The following LAMA2 variants were observed in gnomAD, a reference collection of about 807,000 sequenced individuals.
LAMA2 encodes the protein laminin subunit alpha-2.
A neutral mutation model predicts 364.8 loss-of-function variants in LAMA2; 269 were observed. That is an observed-to-expected ratio of 0.74 (90% CI 0.67 to 0.82). The LOEUF is 0.82. Ranked by LOEUF, LAMA2 falls within the 40% of genes least tolerant of loss-of-function variation. The pLI, the probability that LAMA2 is intolerant of heterozygous loss-of-function variation, is 0.00. For missense variants in LAMA2, 3,807 were observed against 3,873.2 expected, an observed-to-expected ratio of 0.98 and a Z score of 0.45; for synonymous variants, 1,379 against 1,370.6, an observed-to-expected ratio of 1.01 and a Z score of -0.14.
At chr6:128,929,259 T>A in intron 1 of LAMA2, 1 of 1,414,288 alleles carries the variant, frequency 7.1e-7, no homozygotes, top group Non-Finnish European at 1.0e-6. Flanking sequence ...AGACCGTCAA[T>A]GGCTAAGTTC....
chr6:128,947,811 G>A (rs1229723682), intron 1 of LAMA2, among the ~76,000 whole-genome samples: 1 of 152,078 alleles, frequency 6.6e-6, no homozygotes, highest in Non-Finnish European at 1.5e-5. Context: ...CAGTTACAGT[G>A]TTATAAAGGG....
intron 12 of LAMA2, among the ~76,000 whole-genome samples, chr6:129,227,655 C>A (rs1448862333): frequency 6.6e-6 from 1 of 152,310 alleles, no homozygotes; most frequent in East Asian, 1.9e-4. Flanking sequence ...TATTGCTGAA[C>A]AGCAAATGTT....
In LAMA2 at chr6:129,096,427, T is replaced by G. The variant is rs530818754; in HGVS notation, c.397-1746T>G. 5.3e-4 allele frequency among the ~76,000 whole-genome samples: 81 copies of G among 152,346 alleles called. 1 individual carries two copies. The South Asian group carries it at 0.016, about 30-fold the overall frequency. On this transcript the variant is annotated intron_variant, in intron 3 of 64. Transcript: ENST00000421865. ...TTCTTGACTCCTAAAGGTGGCAGCTTTAATATGTTCACATAATTCCTCTCC... is the reference window on the plus strand; with the variant it reads ...TTCTTGACTCCTAAAGGTGGCAGCTGTAATATGTTCACATAATTCCTCTCC...
intron 34 of LAMA2, among the ~76,000 whole-genome samples, chr6:129,379,490 T>C (rs187310761): frequency 1.3e-5 from 2 of 152,252 alleles, no homozygotes; most frequent in East Asian, 3.9e-4. Flanking sequence ...ATGCTTTTGG[T>C]GCCGGGAACC....
chr6:128,924,267 A>T (rs73773562), intron 1 of LAMA2, among the ~76,000 whole-genome samples: 1 of 152,074 alleles, frequency 6.6e-6, no homozygotes, highest in African/African-American at 2.4e-5. Flanking sequence ...CTATTACCCA[A>T]GTCTTTCCAT....
intron 1 of LAMA2, among the ~76,000 whole-genome samples, chr6:128,996,964 A>G (rs551655474): frequency 6.6e-6 from 1 of 152,364 alleles, no homozygotes; most frequent in South Asian, 2.1e-4. Context: ...GGATGAGTTC[A>G]TGTCCTTTGC....
chr6:129,509,895 T>G (rs1786431405), intron 62 of LAMA2, among the ~76,000 whole-genome samples: 1 of 152,196 alleles, frequency 6.6e-6, no homozygotes, highest in Non-Finnish European at 1.5e-5. Flanking sequence ...ATTGGTATTT[T>G]AATAGGGATT....
intron 12 of LAMA2, among the ~76,000 whole-genome samples, chr6:129,214,583 T>C (rs1783306262): frequency 6.6e-6 from 1 of 152,212 alleles, no homozygotes. Context: ...AAAGATCAGA[T>C]GGCCATATTC....
intron 28 of LAMA2, among the ~76,000 whole-genome samples, chr6:129,326,764 TA>T: frequency 6.9e-6 from 1 of 144,942 alleles, no homozygotes; most frequent in East Asian, 2.0e-4. Flanking sequence ...TTTATATATA[TA>T]ATATATAATT....
Position 129,193,474 on chromosome 6 carries a change from C to T in LAMA2, c.1782+621C>T, listed in dbSNP as rs763459752. Among the ~76,000 whole-genome samples the T allele has an allele frequency of 1.7e-4, 26 of 152,310 alleles. 1 individual carries two copies. The South Asian group carries it at 4.8e-3, about 28-fold the overall frequency. ...TACACAGATAAACAAATGTAGCAGC[C>T]TCAGAAATACAGGCTTATTTTTTTC... is the stretch of plus-strand genomic sequence containing the variant. On this transcript the variant is annotated intron_variant, in intron 12 of 64. Transcript: ENST00000421865.
At chr6:129,055,964 T>C (rs1182182861) in intron 2 of LAMA2, among the ~76,000 whole-genome samples, 1 of 152,252 alleles carries the variant, frequency 6.6e-6, no homozygotes, top group Non-Finnish European at 1.5e-5. Context: ...GGATTATGGT[T>C]AATTGTTGAT....
intron 28 of LAMA2, among the ~76,000 whole-genome samples, chr6:129,327,865 G>C (rs1013001078): frequency 2.6e-5 from 4 of 152,020 alleles, no homozygotes; most frequent in African/African-American, 9.7e-5. Flanking sequence ...TTTTTATTTA[G>C]TTTTTTGCTG....
chr6:129,104,395 A>G (rs926764988), intron 4 of LAMA2, among the ~76,000 whole-genome samples: 2 of 152,228 alleles, frequency 1.3e-5, no homozygotes, highest in Non-Finnish European at 2.9e-5. Flanking sequence ...AACAATGTTC[A>G]TGTTTTAGGC....
At chr6:129,420,718 A>G (rs2114728505) in intron 40 of LAMA2, among the ~76,000 whole-genome samples, 1 of 152,302 alleles carries the variant, frequency 6.6e-6, no homozygotes, top group Non-Finnish European at 1.5e-5. Flanking sequence ...TTAGGAAAAA[A>G]GCAAAATATA....
At chr6:129,030,097 G>A (rs1434874412) in intron 1 of LAMA2, among the ~76,000 whole-genome samples, 2 of 152,056 alleles carry the variant, frequency 1.3e-5, no homozygotes, top group Non-Finnish European at 1.5e-5. Context: ...AAGATTGGCC[G>A]AATCTTATTT....
intron 17 of LAMA2, among the ~76,000 whole-genome samples, chr6:129,278,624 A>C (rs1788489496): frequency 6.6e-6 from 1 of 152,168 alleles, no homozygotes; most frequent in South Asian, 2.1e-4. Context: ...ATGCTTTATA[A>C]AAGGAGATTC....
rs756599307 is a variant in LAMA2 at position 129,440,865 on chromosome 6, C to A, written c.6135C>A (p.Asn2045Lys). 1.2e-6 allele frequency: 2 copies of A among 1,613,802 alleles called. No individual in the cohort carries two copies. The highest frequency in any genetic ancestry group is 1.7e-6 in the Non-Finnish European group (2 of 1,179,914). ...TTAAGGACAAAGCCAGACAAGCCAA[C>A]GACACAGCTAAAGATGTACTGGCAC... ...QAVKDKARQANDTAKDVLAQI... is the reference protein window; with the variant it reads ...QAVKDKARQAKDTAKDVLAQI... Residue 2045 changes from asparagine (N) to lysine (K), a missense_variant, in exon 43 of 65, where the codon AAC becomes AAA. Coordinates refer to ENST00000421865, the MANE Select transcript of LAMA2 (RefSeq NM_000426.4).
chr6:129,226,070 TC>T (rs1198600252), intron 12 of LAMA2, among the ~76,000 whole-genome samples: 31 of 152,322 alleles, frequency 2.0e-4, no homozygotes, highest in African/African-American at 7.2e-4. Flanking sequence ...GTTGAATTGA[TC>T]CCTTTACCAT....
chr6:129,261,501 G>A lies in LAMA2; in HGVS notation c.2208+679G>A, dbSNP rs578141245. Among the ~76,000 whole-genome samples the A allele has an allele frequency of 7.9e-5, 12 of 152,154 alleles. No individual in the cohort carries two copies. In the East Asian group the frequency reaches 2.3e-3, roughly 29 times the overall value. The stretch of plus-strand genomic sequence containing the variant: ...TGTATTTTCTTTTACACAGAAAACT[G>A]GTGTGAAACTGGTTTTACTTGAAAC... On this transcript the variant is annotated intron_variant, in intron 15 of 64. Transcript: ENST00000421865.
Sources: allele counts gnomAD v4.1 joint callset (sites outside exome capture counted in the v4.1 genomes callset), GRCh38; gene constraint gnomAD v4.1.1; transcripts MANE v1.5; gene names NCBI Gene and HGNC (gene_info 2026-07-23, HGNC 2026-07-21).